Variants in PUDP observed in about 807,000 individuals in gnomAD.
PUDP encodes pseudouridine 5'-phosphatase, also known as pseudouridine-5'-phosphatase.
PUDP carries 8 observed loss-of-function variants against 9.4 expected under a neutral mutation model. The ratio of observed to expected loss-of-function variants is 0.85; its 90% confidence interval spans 0.50 to 1.53. The LOEUF is 1.53. PUDP is among the 40% of genes most tolerant of loss of function. The pLI is 0.00. For missense variants in PUDP, 188 were observed against 189.7 expected (o/e 0.99, Z 0.05); for synonymous variants, 99 against 80.7 (o/e 1.23, Z -1.22).
intron 3 of PUDP, among the ~76,000 whole-genome samples, chrX:7,051,426 G>A (rs1930097862): frequency 9.0e-6 from 1 of 111,547 alleles, no homozygotes; most frequent in South Asian, 3.8e-4. Context: ...ACTGGGTACA[G>A]TGCACACTGT....
chrX:6,930,937 A>C (rs189734935), intron 3 of PUDP, among the ~76,000 whole-genome samples: 1 of 109,465 alleles, frequency 9.1e-6, no homozygotes, highest in Non-Finnish European at 1.9e-5. Context: ...ATGTCAAAAA[A>C]AGTGTTGCAT....
intron 1 of PUDP, among the ~76,000 whole-genome samples, chrX:6,720,423 T>C (rs1924658903): frequency 9.5e-6 from 1 of 105,541 alleles, no homozygotes; most frequent in Non-Finnish European, 1.9e-5. Flanking sequence ...AAATACCATA[T>C]GATCTCACTT....
At chrX:6,793,185 G>A (rs747663672) in intron 3 of PUDP, among the ~76,000 whole-genome samples, 1 of 112,582 alleles carries the variant, frequency 8.9e-6, no homozygotes, top group Non-Finnish European at 1.9e-5. Context: ...TATTAGGTTG[G>A]TGCAAAATTA....
intron 3 of PUDP, among the ~76,000 whole-genome samples, chrX:6,770,772 A>G (rs1925351901): frequency 9.0e-6 from 1 of 111,548 alleles, no homozygotes; most frequent in Admixed American, 9.5e-5. Context: ...ATTATTCAGA[A>G]CCTGACCGAC....
intron 1 of PUDP, among the ~76,000 whole-genome samples, chrX:6,713,637 TGGAGGAACATCTATGTATCTCCCA>T (rs759537192): frequency 0.011 from 1,277 of 111,423 alleles, 13 homozygotes; most frequent in African/African-American, 0.04. Context: ...CCATCGTAAG[TGGAGGAACATCTATGTATCTCCCA>T]GGAGAGGCCA....
intron 3 of PUDP, among the ~76,000 whole-genome samples, chrX:6,828,669 A>C (rs1242736568): frequency 6.3e-5 from 7 of 111,101 alleles, no homozygotes; most frequent in African/African-American, 9.8e-5. Context: ...TGCAGAGTAG[A>C]TTCACTGCCC....
At chrX:6,729,739 G>T (rs1390240648) in intron 3 of PUDP, among the ~76,000 whole-genome samples, 6 of 111,201 alleles carry the variant, frequency 5.4e-5, no homozygotes, top group Non-Finnish European at 1.1e-4. Context: ...ACAGTACCAG[G>T]CTTATCAGTA....
chrX:7,041,295 A>G (rs1004092234), intron 1 of PUDP, among the ~76,000 whole-genome samples: 2 of 111,337 alleles, frequency 1.8e-5, no homozygotes, highest in Admixed American at 1.9e-4. Context: ...ATAAACAAAC[A>G]TCTCTTCTGC....
chrX:7,107,463 T>C (rs1031848738), intron 1 of PUDP, among the ~76,000 whole-genome samples: 7 of 112,279 alleles, frequency 6.2e-5, no homozygotes, highest in Non-Finnish European at 1.3e-4. Context: ...TACATGCACA[T>C]AGGTATGCAT....
chrX:7,030,781 T>C (rs1929782004), intron 1 of PUDP, among the ~76,000 whole-genome samples: 1 of 110,984 alleles, frequency 9.0e-6, no homozygotes, highest in Admixed American at 9.6e-5. Flanking sequence ...AGGGTGGATG[T>C]GTTATAGGAA....
At chrX:6,752,177 T>C (rs1270876670) in intron 3 of PUDP, among the ~76,000 whole-genome samples, 1 of 111,951 alleles carries the variant, frequency 8.9e-6, no homozygotes, top group Non-Finnish European at 1.9e-5. Context: ...CTCTCTCCTT[T>C]GGCCTCTGAC....
At chrX:6,741,806 ATCTCTCTCTC>A (rs745363071) in intron 3 of PUDP, among the ~76,000 whole-genome samples, 12 of 100,995 alleles carry the variant, frequency 1.2e-4, no homozygotes, top group African/African-American at 4.4e-4. Context: ...CTCTTTTTAA[ATCTCTCTCTC>A]TCTCTCTCTC....
At chrX:6,998,622 G>GAGTT (rs1489273073) in intron 1 of PUDP, among the ~76,000 whole-genome samples, 1 of 112,117 alleles carries the variant, frequency 8.9e-6, no homozygotes, top group African/African-American at 3.2e-5. Context: ...ACCTCAATTT[G>GAGTT]TACCTCACTT....
intron 3 of PUDP, among the ~76,000 whole-genome samples, chrX:6,958,745 C>CAAA (rs138391788): frequency 1.3e-4 from 8 of 60,678 alleles, no homozygotes; most frequent in Admixed American, 4.3e-4. Context: ...AATGCCATCT[C>CAAA]AAAAAAAAAA....
intron 3 of PUDP, among the ~76,000 whole-genome samples, chrX:6,804,158 C>T (rs1450873023): frequency 9.0e-6 from 1 of 111,230 alleles, no homozygotes; most frequent in Non-Finnish European, 1.9e-5. Context: ...GAGAAATGCA[C>T]ACACGCAGAC....
intron 1 of PUDP, among the ~76,000 whole-genome samples, chrX:7,025,623 A>G (rs912147000): frequency 3.6e-5 from 4 of 111,783 alleles, no homozygotes. Context: ...ATGACCCTCA[A>G]GCTCTCAGAA....
At chrX:6,794,483 G>C (rs766401980) in intron 3 of PUDP, among the ~76,000 whole-genome samples, 3 of 111,706 alleles carry the variant, frequency 2.7e-5, no homozygotes, top group Non-Finnish European at 5.6e-5. Flanking sequence ...TGAAGGCCTA[G>C]GACACTACTG....
rs148234467 is a variant in PUDP, at chrX:6,853,333, G to A, written c.*247+123800C>T. 8.1e-5 allele frequency among the ~76,000 whole-genome samples: 9 copies of A among 110,893 alleles called. No homozygotes were observed. The East Asian group carries it at 2.6e-3, about 32-fold the overall frequency. ...GGAACATAGTCATTATGGCAACTTG[G>A]TGGGAATTCCGGGCTCATGTTAAAA... On this transcript the variant is annotated intron_variant and NMD_transcript_variant, in intron 3 of 3. Transcript: ENST00000655425.
intron 2 of PUDP, among the ~76,000 whole-genome samples, chrX:7,082,605 G>C (rs191685218): frequency 8.9e-6 from 1 of 112,378 alleles, no homozygotes; most frequent in African/African-American, 3.2e-5. Context: ...AAGACAGCCC[G>C]TGCCACTGGG....
Sources: allele counts gnomAD v4.1 joint callset (sites outside exome capture counted in the v4.1 genomes callset), GRCh38; gene constraint gnomAD v4.1.1; transcripts MANE v1.5; gene names NCBI Gene and HGNC (gene_info 2026-07-23, HGNC 2026-07-21).